Variants in DDX3Y observed in about 807,000 individuals in gnomAD.
The protein encoded by DDX3Y is ATP-dependent RNA helicase DDX3Y.
In DDX3Y, 2 loss-of-function variants were observed where a neutral mutation model predicts 15.1. The ratio of observed to expected loss-of-function variants is 0.13; its 90% CI spans 0.05 to 0.42. The LOEUF (loss-of-function observed/expected upper bound fraction) is 0.42. DDX3Y is among the 10% of genes least tolerant of loss of function. DDX3Y has a pLI of 0.99. For synonymous variants in DDX3Y, 47 were observed against 45.0 expected (o/e 1.04, Z -0.18); for missense variants, 81 against 149.9 (o/e 0.54, Z 2.40).
At chrY:12,916,687 T>G in intron 14 of DDX3Y, 53 bp downstream of exon 14, 1 of 282,986 alleles carries the variant, frequency 3.5e-6, no homozygotes, top group Non-Finnish European at 5.5e-6. Context: ...ACAGCCAGGA[T>G]TTGACACAGA....
intron 4 of DDX3Y, 55 bp downstream of exon 4, chrY:12,912,023 A>G: frequency 1.6e-5 from 4 of 247,283 alleles, no homozygotes; most frequent in Non-Finnish European, 2.7e-5. Context: ...TTAATTTGGT[A>G]GGTTCTCATT....
At chrY:12,916,698 A>G (rs2053649199) in intron 14 of DDX3Y, 64 bp downstream of exon 14, 2 of 274,523 alleles carry the variant, frequency 7.3e-6, no homozygotes, top group African/African-American at 1.5e-4. Context: ...TTGACACAGA[A>G]TCTTAAAAAT....
At chrY:12,904,027 A>G, upstream of DDX3Y, 1 of 33,360 alleles carries the variant, frequency 3.0e-5, no homozygotes, top group Non-Finnish European at 7.5e-5. Flanking sequence ...GTCATTCAGT[A>G]TGTAATTGTT....
Position 12,919,692 on chromosome Y carries a change from C to G in DDX3Y, c.*1570C>G. ...TATGTCTTGTGTGGGTGTCCTCGAC[C>G]TTCCAATCTTATTTCGTCTCTTGGA... On this transcript the variant is annotated 3_prime_UTR_variant, in exon 17 of 17. Coordinates refer to ENST00000336079, the MANE Select transcript of DDX3Y (RefSeq NM_004660.5). The G allele has an allele frequency of 3.0e-5, 1 of 33,293 alleles. No homozygotes were observed. The highest frequency in any genetic ancestry group is 1.2e-4 in the African/African-American group (1 of 8,454). 8.3% of individuals were successfully genotyped at this position (33,293 alleles called of 400,897 possible). A position where few individuals can be genotyped will look rare whatever the true frequency, so the allele number is the denominator to read the frequency against.
chrY:12,909,766 A>T (rs747362267), intron 3 of DDX3Y: 1 of 35,154 alleles, frequency 2.8e-5, no homozygotes, highest in East Asian at 7.9e-4. Flanking sequence ...TTAGCACAGC[A>T]AAAGTGGGTT....
intron 3 of DDX3Y, among the ~76,000 whole-genome samples, chrY:12,911,553 T>TA (rs2053627999): frequency 3.0e-5 from 1 of 33,800 alleles, no homozygotes. Flanking sequence ...CATTTACACT[T>TA]AAAAAATGAA....
At position 12,915,348 on chromosome Y, in the gene DDX3Y, T is replaced by C; in HGVS notation, c.1019+121T>C. ...TTAATTTTCTACATAGTTTTGAAAA[T>C]TGCAGTTAACGTTTTTGTAAAGAGT... On this transcript the variant is annotated intron_variant, in intron 10 of 16. Coordinates refer to ENST00000336079, the MANE Select transcript of DDX3Y (RefSeq NM_004660.5). The C allele has an allele frequency of 1.6e-5, 4 of 244,736 alleles. No individual in the cohort carries two copies. The Admixed American group carries it at 4.3e-4, about 26-fold the overall frequency. 61.0% of individuals were successfully genotyped at this position (244,736 alleles called of 400,897 possible). A position where few individuals can be genotyped will look rare whatever the true frequency, so the allele number is the denominator to read the frequency against.
intron 3 of DDX3Y, 46 bp downstream of exon 3, chrY:12,909,453 T>C: frequency 3.0e-6 from 1 of 338,270 alleles, no homozygotes; most frequent in South Asian, 3.4e-5. Flanking sequence ...TAGCAGCTAA[T>C]CAAAGCCTAG....
At chrY:12,905,753 C>G in intron 1 of DDX3Y, 1 of 313,868 alleles carries the variant, frequency 3.2e-6, no homozygotes, top group Non-Finnish European at 4.3e-6. Flanking sequence ...ATGGCTGCCG[C>G]GTGCTTCTCT....
chrY:12,917,987 GA>G lies in DDX3Y; in HGVS notation c.1904-48del, dbSNP rs2053656123. 1.5e-4 allele frequency: 42 copies of G among 273,064 alleles called. No homozygotes were observed. The Middle Eastern group carries it at 2.3e-3, about 15-fold the overall frequency. 68.1% of individuals were successfully genotyped at this position (273,064 alleles called of 400,897 possible). A position where few individuals can be genotyped will look rare whatever the true frequency, so the allele number is the denominator to read the frequency against. On this transcript the variant is annotated intron_variant, in intron 16 of 16. Coordinates refer to ENST00000336079, the MANE Select transcript of DDX3Y (RefSeq NM_004660.5). ...ACTGGTTTTATGTTAAAGTACTTGA[GA>G]AAAAAAAGGTATTAACGAATGACTT...
chrY:12,917,605 G>A, intron 16 of DDX3Y, 63 bp downstream of exon 16: 2 of 279,774 alleles, frequency 7.1e-6, no homozygotes, highest in Non-Finnish European at 4.9e-6. Flanking sequence ...TTTTTGAGAT[G>A]GAGTCCCACT....
Position 12,912,808 on chromosome Y carries a change from A to ACAT in DDX3Y, c.364_366dup (p.His122dup). The ACAT allele has an allele frequency of 2.5e-6, 1 of 398,989 alleles. No homozygotes were observed. The highest frequency in any genetic ancestry group is 3.5e-6 in the Non-Finnish European group (1 of 283,462). On this transcript the variant is annotated inframe_insertion, in exon 5 of 17. Transcript: ENST00000336079. ...GCTTTGGCAGATTTGAACGGAGTGG[A>ACAT]CATAGTCGTTGGTGTGACAAGTCAG... is the stretch of plus-strand genomic sequence containing the variant.
rs767266084 is a variant in DDX3Y at position 12,920,169 on chromosome Y, A to T, written c.*2047A>T. On this transcript the variant is annotated 3_prime_UTR_variant, in exon 17 of 17. Coordinates refer to ENST00000336079, the MANE Select transcript of DDX3Y (RefSeq NM_004660.5). ...AGATATTAATGAAACACTTCTGAAC[A>T]CTGATAGGAAGTGTCCACATCCACA... 5 of 33,823 alleles carry T rather than the reference A, an allele frequency of 1.5e-4. No individual in the cohort carries two copies. Among genetic ancestry groups the T allele is most frequent in the Non-Finnish European group, 3.7e-4 (5 of 13,567 alleles). The allele number at this position is 33,823 out of a possible 400,897, so 8.4% of individuals were successfully genotyped here.
chrY:12,913,442 G>T, intron 6 of DDX3Y, among the ~76,000 whole-genome samples: 4 of 33,884 alleles, frequency 1.2e-4, no homozygotes, highest in Non-Finnish European at 2.2e-4. Flanking sequence ...TCATGCCTTA[G>T]CCTCCCAGAG....
intron 8 of DDX3Y, 53 bp downstream of exon 8, chrY:12,914,702 G>T: frequency 3.2e-6 from 1 of 314,383 alleles, no homozygotes; most frequent in Non-Finnish European, 4.7e-6. Flanking sequence ...GCTTTGCAAA[G>T]CCCTGTTGAC....
rs561354772 is a variant in DDX3Y, at chrY:12,917,019, T to C, written c.1722T>C (p.Tyr574=). Residue 574 remains tyrosine (Y), a synonymous_variant, in exon 15 of 17, where the codon TAT becomes TAC. Transcript: ENST00000336079. The part of the protein sequence containing the change: ...EVPSWLENMA[Y]EHHYKGGSRG... Reference sequence around the variant, plus strand: ...CTTCTTGGTTGGAAAATATGGCTTATGAACACCACTACAAGGGTGGCAGTC... The same window carrying C: ...CTTCTTGGTTGGAAAATATGGCTTACGAACACCACTACAAGGGTGGCAGTC... The C allele has an allele frequency of 2.5e-6, 1 of 398,283 alleles. No homozygotes were observed.
At chrY:12,914,459 A>T in intron 7 of DDX3Y, 105 bp from the exon 8 acceptor site, 1 of 181,331 alleles carries the variant, frequency 5.5e-6, no homozygotes, top group Non-Finnish European at 1.0e-5. Flanking sequence ...ACTTCCTAGA[A>T]AATTGGAAAT....
chrY:12,913,556 T>G, intron 6 of DDX3Y, among the ~76,000 whole-genome samples, 162 bp from the exon 7 acceptor site: 1 of 34,598 alleles, frequency 2.9e-5, no homozygotes, highest in Non-Finnish European at 7.2e-5. Context: ...AATCTTTTAC[T>G]GAAATCATAG....
chrY:12,906,528 T>C, intron 1 of DDX3Y, among the ~76,000 whole-genome samples: 1 of 33,847 alleles, frequency 3.0e-5, no homozygotes, highest in South Asian at 6.5e-4. Flanking sequence ...TTCACTAGAA[T>C]TAAGTAGTAA....
Sources: gnomAD v4.1 joint callset for allele counts (sites outside exome capture counted in the v4.1 genomes callset) on GRCh38, gnomAD v4.1.1 for gene constraint, MANE v1.5 for transcripts, NCBI Gene and HGNC (gene_info 2026-07-23, HGNC 2026-07-21) for gene names.